PRKCH: variants seen among roughly 807,000 people sequenced by gnomAD.
The protein encoded by PRKCH is protein kinase C eta type.
PRKCH carries 28 observed loss-of-function variants against 82.5 expected under a neutral mutation model. That is an observed-to-expected ratio of 0.34 (90% CI 0.25 to 0.47). The LOEUF (loss-of-function observed/expected upper bound fraction) is 0.47, where lower values mean the gene tolerates loss of function less well. Among genes scored for constraint, PRKCH ranks in the 20% least tolerant of loss-of-function variants. The probability of loss-of-function intolerance (pLI) is 1.00; values close to 1 mark genes in which losing one functional copy is unlikely to be tolerated. For synonymous variants in PRKCH, 322 were observed against 327.4 expected (o/e 0.98, Z 0.18); for missense variants, 705 against 881.8 (o/e 0.80, Z 2.54).
At chr14:61,389,916 A>G (rs543506921) in intron 1 of PRKCH, among the ~76,000 whole-genome samples, 3 of 152,256 alleles carry the variant, frequency 2.0e-5, no homozygotes, top group South Asian at 4.2e-4. Context: ...TTGACCAAAA[A>G]TGGTCATTCG....
chr14:61,516,025 G>A (rs182056564), intron 10 of PRKCH, among the ~76,000 whole-genome samples: 233 of 152,254 alleles, frequency 1.5e-3, no homozygotes, highest in Middle Eastern at 3.4e-3. Context: ...ACTTGCCCAA[G>A]ATCACACAGC....
At chr14:61,259,062 T>C (rs976615844) in intron 1 of PRKCH, among the ~76,000 whole-genome samples, 1 of 152,198 alleles carries the variant, frequency 6.6e-6, no homozygotes, top group Non-Finnish European at 1.5e-5. Context: ...CCCAAAGGAA[T>C]GATGTTGTCA....
At chr14:61,388,023 C>A (rs979571726) in intron 1 of PRKCH, among the ~76,000 whole-genome samples, 4 of 152,022 alleles carry the variant, frequency 2.6e-5, no homozygotes, top group African/African-American at 9.7e-5. Context: ...TGACATGTGC[C>A]TGTAGTCCCA....
rs1302662269 is a variant in PRKCH, at chr14:61,329,317, A to G, written c.363+6853A>G. Among the ~76,000 whole-genome samples, 5 of 130,594 alleles carry G rather than the reference A, an allele frequency of 3.8e-5. No individual in the cohort carries two copies. The Admixed American group carries it at 4.9e-4, about 13-fold the overall frequency. The allele number at this position is 130,594 out of a possible 152,430, so 85.7% of individuals were successfully genotyped here. A position where few individuals can be genotyped will look rare whatever the true frequency, so the allele number is the denominator to read the frequency against. On this transcript the variant is annotated intron_variant, in intron 1 of 13. Transcript: ENST00000332981. ...AGTGGCACGATCTCGGCTCACTTCA[A>G]CCTCCGCCTCCCAGGTTCAAGCGAT... is the stretch of plus-strand genomic sequence containing the variant.
intron 1 of PRKCH, chr14:61,279,828 C>A: frequency 2.1e-6 from 1 of 472,532 alleles, no homozygotes. Context: ...ACTTGAAGAA[C>A]CTCACATGGC....
intron 1 of PRKCH, among the ~76,000 whole-genome samples, chr14:61,271,912 G>A (rs2045156571): frequency 6.6e-6 from 1 of 152,174 alleles, no homozygotes; most frequent in African/African-American, 2.4e-5. Flanking sequence ...GCATAATGGG[G>A]ATAATATTAG....
chr14:61,384,390 C>CAGTCTAGGCCAAATCAG (rs2046556064), intron 1 of PRKCH, among the ~76,000 whole-genome samples: 1 of 152,042 alleles, frequency 6.6e-6, no homozygotes, highest in African/African-American at 2.4e-5. Flanking sequence ...GCCTAGACCC[C>CAGTCTAGGCCAAATCAG]GTTCCCTTGC....
intron 1 of PRKCH, among the ~76,000 whole-genome samples, chr14:61,307,705 T>G (rs573619921): frequency 6.6e-6 from 1 of 152,246 alleles, no homozygotes; most frequent in Non-Finnish European, 1.5e-5. Context: ...TTTTTTATCA[T>G]AAAACATTCA....
At chr14:61,474,322 A>G (rs893718828) in intron 9 of PRKCH, among the ~76,000 whole-genome samples, 5 of 152,074 alleles carry the variant, frequency 3.3e-5, no homozygotes, top group African/African-American at 1.2e-4. Flanking sequence ...TCCCATATAA[A>G]CCTTTTAAGC....
At chr14:61,516,193 T>C (rs1300998550) in intron 10 of PRKCH, among the ~76,000 whole-genome samples, 1 of 152,094 alleles carries the variant, frequency 6.6e-6, no homozygotes, top group Admixed American at 6.5e-5. Flanking sequence ...GGGAGGCAAC[T>C]GTAAAAGCAT....
In PRKCH at chr14:61,530,490, G is replaced by T. The variant is rs151278040; in HGVS notation, c.1656G>T (p.Ala552=). ...VLLYEMLCGH[A]PFEAENEDDL... is the part of the protein sequence containing the mutation. ...TCTATGAGATGCTCTGTGGTCACGC[G>T]CCTTTTGAGGCAGAGAACGAAGATG... is the stretch of plus-strand genomic sequence containing the variant. Residue 552 remains alanine, a synonymous_variant, in exon 12 of 14, where the codon GCG becomes GCT. Coordinates refer to ENST00000332981, the MANE Select transcript of PRKCH (RefSeq NM_006255.5). The T allele has an allele frequency of 6.2e-7, 1 of 1,612,530 alleles. No homozygotes were observed. The highest frequency in any genetic ancestry group is 1.7e-5 in the Admixed American group (1 of 59,754).
Position 61,247,987 on chromosome 14 carries a change from G to C in PRKCH, c.-19+60319G>C, listed in dbSNP as rs2044903158. On this transcript the variant is annotated intron_variant, in intron 1 of 3. Transcript: ENST00000555185. ...AAATACAGGATACTCCATCAACTTG[G>C]AGATGTAATCATCCAGTGTCATTTC... Among the ~76,000 whole-genome samples, 3 of 152,080 alleles carry C rather than the reference G, an allele frequency of 2.0e-5. No homozygotes were observed. In the South Asian group the frequency reaches 6.2e-4, roughly 32 times the overall value.
At chr14:61,367,354 GTGTGTA>G (rs957135874) in intron 1 of PRKCH, among the ~76,000 whole-genome samples, 28 of 138,014 alleles carry the variant, frequency 2.0e-4, no homozygotes, top group African/African-American at 7.8e-4. Context: ...GCGTGTGTGT[GTGTGTA>G]TGTGTGTGTG....
At chr14:61,233,265 C>T (rs1300227013) in intron 1 of PRKCH, among the ~76,000 whole-genome samples, 1 of 152,034 alleles carries the variant, frequency 6.6e-6, no homozygotes, top group Non-Finnish European at 1.5e-5. Context: ...GTGGTGCACA[C>T]CTGTAACCCC....
chr14:61,512,143 A>G (rs1887404552), intron 10 of PRKCH, among the ~76,000 whole-genome samples: 2 of 151,826 alleles, frequency 1.3e-5, no homozygotes, highest in South Asian at 2.1e-4. Flanking sequence ...TACAAACTCT[A>G]CGTGAGCATA....
chr14:61,430,529 G>A (rs575450015), intron 2 of PRKCH, among the ~76,000 whole-genome samples: 5 of 152,328 alleles, frequency 3.3e-5, no homozygotes, highest in Middle Eastern at 3.4e-3. Flanking sequence ...TGAACAGCCA[G>A]TGGAATAAAA....
chr14:61,296,159 C>G (rs915959537), intron 1 of PRKCH, among the ~76,000 whole-genome samples: 2 of 152,084 alleles, frequency 1.3e-5, no homozygotes, highest in Non-Finnish European at 2.9e-5. Flanking sequence ...TTTAAAATTC[C>G]TTTTTCAAAT....
chr14:61,327,059 G>T (rs751719633), intron 1 of PRKCH: 15 of 455,882 alleles, frequency 3.3e-5, no homozygotes, highest in Non-Finnish European at 6.6e-5. Flanking sequence ...AGACCTTGGC[G>T]CCCCCTCAGG....
chr14:61,286,450 ACG>A (rs1346285655), intron 1 of PRKCH, among the ~76,000 whole-genome samples: 2 of 152,306 alleles, frequency 1.3e-5, no homozygotes, highest in Admixed American at 6.5e-5. Context: ...ACTCCCTGCC[ACG>A]GTGTGTTGGT....
Sources: gnomAD v4.1 joint callset for allele counts (sites outside exome capture counted in the v4.1 genomes callset) on GRCh38, gnomAD v4.1.1 for gene constraint, MANE v1.5 for transcripts, NCBI Gene and HGNC (gene_info 2026-07-23, HGNC 2026-07-21) for gene names.